ENPP2: variants seen among roughly 807,000 people sequenced by gnomAD.
ENPP2 encodes the protein autotaxin.
Under a neutral mutation model 120.2 loss-of-function variants are expected in ENPP2, and 51 were observed. That is an observed-to-expected ratio of 0.42 (90% CI 0.34 to 0.54). ENPP2 has a LOEUF of 0.54. Ranked by LOEUF, ENPP2 falls within the 20% of genes least tolerant of loss-of-function variation. The pLI, the probability that ENPP2 is intolerant of heterozygous loss-of-function variation, is 0.04. For missense variants in ENPP2, 920 were observed against 1,066.5 expected (o/e 0.86, Z 1.91); for synonymous variants, 365 against 366.4 (o/e 1.00, Z 0.04).
At chr8:119,580,076 G>A (rs780743529) in intron 19 of ENPP2, 40 bp downstream of exon 19, 53 of 1,490,730 alleles carry the variant, frequency 3.6e-5, no homozygotes, top group Non-Finnish European at 4.9e-5. Flanking sequence ...TTTCGAAAAC[G>A]AGAAAAACCT....
At chr8:119,570,127 G>A (rs1814836962) in intron 20 of ENPP2, among the ~76,000 whole-genome samples, 1 of 148,326 alleles carries the variant, frequency 6.7e-6, no homozygotes, top group Non-Finnish European at 1.5e-5. Context: ...AAATTAGCCA[G>A]GTGTGGTGGC....
chr8:119,635,474 TAAC>T (rs151307004), intron 2 of ENPP2, among the ~76,000 whole-genome samples: 187 of 152,318 alleles, frequency 1.2e-3, no homozygotes, highest in African/African-American at 4.4e-3. Flanking sequence ...GACTCCTGCA[TAAC>T]ACCACAAACA....
At chr8:119,579,246 A>T (rs1812559006) in intron 19 of ENPP2, among the ~76,000 whole-genome samples, 1 of 152,032 alleles carries the variant, frequency 6.6e-6, no homozygotes, top group Non-Finnish European at 1.5e-5. Flanking sequence ...TACTGCCTCC[A>T]CCCATTGCCA....
intron 6 of ENPP2, 70 bp downstream of exon 6, chr8:119,617,396 C>T (rs781580007): frequency 8.3e-7 from 1 of 1,211,476 alleles, no homozygotes; most frequent in Non-Finnish European, 1.2e-6. Flanking sequence ...GATCTCAAAG[C>T]CCACAGCCCA....
chr8:119,591,401 G>A (rs1043598005), intron 12 of ENPP2, among the ~76,000 whole-genome samples: 2 of 152,120 alleles, frequency 1.3e-5, no homozygotes, highest in African/African-American at 4.8e-5. Flanking sequence ...CCCCATCAAG[G>A]AAAATTCTTT....
At chr8:119,667,660 C>A (rs1042107424) in intron 1 of ENPP2, among the ~76,000 whole-genome samples, 6 of 152,192 alleles carry the variant, frequency 3.9e-5, no homozygotes, top group Non-Finnish European at 1.5e-5. Flanking sequence ...TTTAGGGCCA[C>A]CATCTTTTCT....
At chr8:119,673,162 C>T (rs1223329209) in intron 1 of ENPP2, 2 of 1,186,420 alleles carry the variant, frequency 1.7e-6, no homozygotes, top group South Asian at 1.3e-5. Flanking sequence ...CCTGGAGGCC[C>T]TTTGCAAGGT....
chr8:119,652,215 G>A (rs1817646264), intron 1 of ENPP2, among the ~76,000 whole-genome samples: 3 of 152,070 alleles, frequency 2.0e-5, no homozygotes, highest in African/African-American at 7.2e-5. Context: ...TCTCTGTGGG[G>A]TCTTTTATAT....
In ENPP2 at chr8:119,570,501, A is replaced by T. The variant is rs376964104; in HGVS notation, c.1917+204T>A. Among the ~76,000 whole-genome samples, 17 of 152,220 alleles carry T rather than the reference A, an allele frequency of 1.1e-4. 1 individual carries two copies. The highest frequency in any genetic ancestry group is 9.6e-4 in the East Asian group (5 of 5,196). ...TAAAAGAATTAGTGATCTACCTTCA[A>T]AGTTTAACATATTCCCATGGAATTA... On this transcript the variant is annotated intron_variant, in intron 20 of 24. Coordinates refer to ENST00000075322, the MANE Select transcript of ENPP2 (RefSeq NM_001040092.3).
chr8:119,669,383 T>C (rs574240254), intron 1 of ENPP2, among the ~76,000 whole-genome samples: 1 of 152,230 alleles, frequency 6.6e-6, no homozygotes, highest in African/African-American at 2.4e-5. Context: ...TTTAGTTAAA[T>C]CCTCCAGCAC....
At position 119,605,430 on chromosome 8, in the gene ENPP2, A is replaced by ATGTGTGTGTGTGTG. The variant is rs573767269; in HGVS notation, c.833+2478_833+2491dup. Among the ~76,000 whole-genome samples, 428 of 133,800 alleles carry ATGTGTGTGTGTGTG rather than the reference A, an allele frequency of 3.2e-3. 4 individuals are homozygous for ATGTGTGTGTGTGTG. The highest frequency in any genetic ancestry group is 0.012 in the African/African-American group (403 of 34,444). 87.8% of individuals were successfully genotyped at this position (133,800 alleles called of 152,430 possible). Reference sequence around the variant, plus strand: ...ACATCCCATGATGAAGATACCATATATGTGTGTGTGTGTGTGTGTGTGTGT... The same window carrying ATGTGTGTGTGTGTG: ...ACATCCCATGATGAAGATACCATATATGTGTGTGTGTGTGTGTGTGTGTGTGTGTGTGTGTGTGT... On this transcript the variant is annotated intron_variant, in intron 9 of 24. Coordinates refer to ENST00000075322, the MANE Select transcript of ENPP2 (RefSeq NM_001040092.3).
intron 1 of ENPP2, among the ~76,000 whole-genome samples, chr8:119,654,386 T>G (rs964514654): frequency 2.6e-4 from 38 of 144,440 alleles, no homozygotes; most frequent in African/African-American, 9.0e-4. Flanking sequence ...TAGAGAGATA[T>G]ATCTAGATAT....
At chr8:119,635,937 G>A (rs1816973717) in intron 2 of ENPP2, among the ~76,000 whole-genome samples, 1 of 152,178 alleles carries the variant, frequency 6.6e-6, no homozygotes, top group African/African-American at 2.4e-5. Flanking sequence ...AGCTATTGTT[G>A]AGGACTCTGA....
intron 3 of ENPP2, among the ~76,000 whole-genome samples, chr8:119,623,010 T>C (rs1339291114): frequency 6.6e-6 from 1 of 152,180 alleles, no homozygotes; most frequent in Non-Finnish European, 1.5e-5. Flanking sequence ...GGAAGTAGAA[T>C]GGTCAAGAAA....
At chr8:119,610,339 G>C (rs1004080000) in intron 8 of ENPP2, among the ~76,000 whole-genome samples, 2 of 151,714 alleles carry the variant, frequency 1.3e-5, no homozygotes, top group Non-Finnish European at 2.9e-5. Context: ...TTTTCAAAAA[G>C]AAAATTGAGA....
chr8:119,638,245 T>A (rs1283372725), intron 2 of ENPP2, among the ~76,000 whole-genome samples, 180 bp downstream of exon 2: 1 of 152,194 alleles, frequency 6.6e-6, no homozygotes, highest in Non-Finnish European at 1.5e-5. Flanking sequence ...TGTTCTCTAA[T>A]GAAAACCACA....
At chr8:119,626,506 A>G (rs1168712237) in intron 3 of ENPP2, 59 bp downstream of exon 3, 25 of 1,459,516 alleles carry the variant, frequency 1.7e-5, no homozygotes, top group Middle Eastern at 1.7e-4. Flanking sequence ...GATGCATACA[A>G]TAGCAGGCAG....
intron 1 of ENPP2, among the ~76,000 whole-genome samples, chr8:119,664,713 A>G (rs928870146): frequency 6.6e-6 from 1 of 152,120 alleles, no homozygotes; most frequent in African/African-American, 2.4e-5. Flanking sequence ...AGAAAGAGGT[A>G]GGCAGATCAC....
At chr8:119,580,085 C>T (rs745576284) in intron 19 of ENPP2, 31 bp downstream of exon 19, 5 of 1,558,380 alleles carry the variant, frequency 3.2e-6, no homozygotes, top group Admixed American at 1.7e-5. Context: ...CGAGAAAAAC[C>T]TTATCTGATT....
Sources: allele counts gnomAD v4.1 joint callset (sites outside exome capture counted in the v4.1 genomes callset), GRCh38; gene constraint gnomAD v4.1.1; transcripts MANE v1.5; gene names NCBI Gene and HGNC (gene_info 2026-07-23, HGNC 2026-07-21).